The following USP2 variants were observed in gnomAD, a reference collection of about 807,000 sequenced individuals.
The protein encoded by USP2 is ubiquitin carboxyl-terminal hydrolase 2.
In USP2, 33 loss-of-function variants were observed where a neutral mutation model predicts 72.0. That is an observed-to-expected ratio of 0.46 (90% confidence interval 0.35 to 0.61). The LOEUF is 0.61. USP2 is among the 20% of genes least tolerant of loss of function. The pLI, the probability that USP2 is intolerant of heterozygous loss-of-function variation, is 0.01. For missense variants in USP2, 691 were observed against 797.8 expected (o/e 0.87, Z 1.61); for synonymous variants, 296 against 312.5 (o/e 0.95, Z 0.56).
At position 119,356,673 on chromosome 11, in the gene USP2, C is replaced by T; in HGVS notation, c.*162G>A. ...GCTCAGGAAAGCCCGGCTCCTTGCTCCAGACCCTGATCAGGCTGCATCCAC... is the reference window on the plus strand; with the variant it reads ...GCTCAGGAAAGCCCGGCTCCTTGCTTCAGACCCTGATCAGGCTGCATCCAC... On this transcript the variant is annotated 3_prime_UTR_variant, in exon 13 of 13. Coordinates refer to ENST00000260187, the MANE Select transcript of USP2 (RefSeq NM_004205.5). 4.2e-6 allele frequency: 3 copies of T among 720,356 alleles called. No individual in the cohort carries two copies. In the South Asian group the frequency reaches 5.8e-5, roughly 14 times the overall value. 44.6% of individuals were successfully genotyped at this position (720,356 alleles called of 1,614,324 possible).
At position 119,373,452 on chromosome 11, in the gene USP2, C is replaced by A. The variant is rs551604989; in HGVS notation, c.29G>T (p.Arg10Leu). 1 of 1,594,710 alleles carries A rather than the reference C, an allele frequency of 6.3e-7. No individual in the cohort carries two copies. The highest frequency in any genetic ancestry group is 8.5e-7 in the Non-Finnish European group (1 of 1,176,684). The change falls in exon 2 of 13, where the codon CGC (arginine) becomes CTC (leucine). Residue 10 changes from arginine to leucine, a missense_variant. By Grantham distance (102) the Arg-to-Leu change is moderately radical (BLOSUM62 -2). Transcript: ENST00000260187. MSQLSSTLK[R>L]YTESARYTDA... ...TGTGTAGCGGGCCGATTCTGTGTAGCGCTTCAGGGTGGAGGAGAGCTGGGA... is the reference window on the plus strand; with the variant it reads ...TGTGTAGCGGGCCGATTCTGTGTAGAGCTTCAGGGTGGAGGAGAGCTGGGA...
In USP2 at chr11:119,376,471, T is replaced by TTTCACTGTTTA. The variant is rs1951003179; in HGVS notation, c.-41-2961_-41-2951dup. 3.2e-6 allele frequency: 3 copies of TTTCACTGTTTA among 938,174 alleles called. No individual in the cohort carries two copies. In the South Asian group the frequency reaches 1.5e-4, roughly 46 times the overall value. 58.1% of individuals were successfully genotyped at this position (938,174 alleles called of 1,614,324 possible). A position where few individuals can be genotyped will look rare whatever the true frequency, so the allele number is the denominator to read the frequency against. ...CGGGGGGCCCCTGCTGCCCAGCTCC[T>TTTCACTGTTTA]TTCACTGTTTACCCAGAGCTGGCAA... On this transcript the variant is annotated intron_variant, in intron 1 of 12. Coordinates refer to ENST00000260187, the MANE Select transcript of USP2 (RefSeq NM_004205.5).
At chr11:119,361,489 G>A (rs749265609) in intron 2 of USP2, among the ~76,000 whole-genome samples, 4 of 152,056 alleles carry the variant, frequency 2.6e-5, no homozygotes, top group African/African-American at 4.8e-5. Context: ...TGGGGCATGC[G>A]TGGGGCCAGC....
chr11:119,372,596 AG>A, intron 2 of USP2, 110 bp downstream of exon 2: 1 of 1,134,184 alleles, frequency 8.8e-7, no homozygotes. Context: ...TGTCTCCACC[AG>A]GAGCAGCCTG....
intron 2 of USP2, among the ~76,000 whole-genome samples, chr11:119,371,141 C>A (rs530244701): frequency 2.6e-5 from 4 of 152,230 alleles, no homozygotes; most frequent in Admixed American, 2.6e-4. Context: ...TTGGATGAAT[C>A]GTTAAGCCCT....
rs748746628 is a variant in USP2, at chr11:119,373,121, G to T, written c.360C>A (p.Asn120Lys). ...CATTGATGGGCAGGTAGCTGAGGCA[G>T]TTGTTGGTCACTCCATAAGGGAATC... Reference protein sequence around the residue: ...GSGFPYGVTNNCLSYLPINAY... With the variant: ...GSGFPYGVTNKCLSYLPINAY... The change falls in exon 2 of 13, where the codon AAC (asparagine) becomes AAA (lysine). Residue 120 changes from asparagine (N) to lysine (K), a missense_variant. Transcript: ENST00000260187. 6.2e-7 allele frequency: 1 copy of T among 1,614,034 alleles called. No homozygotes were observed. The highest frequency in any genetic ancestry group is 1.3e-5 in the African/African-American group (1 of 74,924).
intron 2 of USP2, among the ~76,000 whole-genome samples, chr11:119,371,995 C>T (rs1002894165): frequency 5.9e-5 from 9 of 152,010 alleles, no homozygotes; most frequent in Admixed American, 2.0e-4. Flanking sequence ...CCAAGAGAGG[C>T]GTGTGCGGGC....
intron 1 of USP2, 139 bp from the exon 2 acceptor site, chr11:119,373,660 C>G: frequency 1.2e-6 from 1 of 806,274 alleles, no homozygotes; most frequent in Admixed American, 3.0e-5. Flanking sequence ...TGCTGAGAAG[C>G]ACACATGCAC....
At chr11:119,372,562 T>G in intron 2 of USP2, 145 bp downstream of exon 2, 2 of 854,494 alleles carry the variant, frequency 2.3e-6, no homozygotes, top group South Asian at 2.2e-5. Context: ...GGGCACCAGA[T>G]GTGCCAGGAT....
At chr11:119,360,034 A>G in intron 3 of USP2, 150 bp downstream of exon 3, 1 of 1,024,440 alleles carries the variant, frequency 9.8e-7, no homozygotes, top group East Asian at 2.6e-5. Flanking sequence ...CAGCCCAGCA[A>G]TTCTGTGAAA....
Position 119,359,060 on chromosome 11 carries a change from C to G in USP2, c.1136G>C (p.Arg379Thr). ...LHNEVNRVTL[R>T]PKSNPENLDH... The stretch of plus-strand genomic sequence containing the variant: ...GAGGTTCTCAGGGTTGGACTTAGGT[C>G]TCAGTGTCACTCGGTTCACCTCGTT... The change falls in exon 6 of 13, where the codon AGA (arginine) becomes ACA (threonine). Residue 379 changes from arginine (R) to threonine (T), a missense_variant. Coordinates refer to ENST00000260187, the MANE Select transcript of USP2 (RefSeq NM_004205.5). The G allele has an allele frequency of 6.2e-7, 1 of 1,614,120 alleles. No homozygotes were observed. Among genetic ancestry groups the G allele is most frequent in the Non-Finnish European group, 8.5e-7 (1 of 1,180,042 alleles).
rs7117852 is a variant in USP2, at chr11:119,356,534, C to T, written c.*301G>A. The T allele has an allele frequency of 0.018, 5,724 of 317,328 alleles. 229 individuals carry two copies. The highest frequency in any genetic ancestry group is 0.087 in the African/African-American group (4,001 of 45,970). The allele number at this position is 317,328 out of a possible 1,614,324, so 19.7% of individuals were successfully genotyped here. A position where few individuals can be genotyped will look rare whatever the true frequency, so the allele number is the denominator to read the frequency against. ...AGCGGCGCAGCGAGGGTCTTCCCCC[C>T]CAAGACACAGTTGTTTCTGACACAT... On this transcript the variant is annotated 3_prime_UTR_variant, in exon 13 of 13. Coordinates refer to ENST00000260187, the MANE Select transcript of USP2 (RefSeq NM_004205.5).
chr11:119,360,315 C>T, intron 2 of USP2, 81 bp from the exon 3 acceptor site: 1 of 1,423,552 alleles, frequency 7.0e-7, no homozygotes, highest in Non-Finnish European at 9.8e-7. Context: ...AATTTCTAAC[C>T]AGCTGGAGCC....
At chr11:119,371,547 T>C (rs1362256741) in intron 2 of USP2, among the ~76,000 whole-genome samples, 7 of 152,148 alleles carry the variant, frequency 4.6e-5, no homozygotes, top group Non-Finnish European at 1.5e-5. Flanking sequence ...ACTCCCTAAG[T>C]CATATTATCA....
chr11:119,358,618 C>G (rs1950712181), intron 7 of USP2, 155 bp downstream of exon 7: 4 of 952,026 alleles, frequency 4.2e-6, no homozygotes, highest in Non-Finnish European at 4.9e-6. Context: ...GCCCGGCCTG[C>G]ACAGCATCTT....
intron 2 of USP2, among the ~76,000 whole-genome samples, chr11:119,367,064 C>T (rs182825989): frequency 6.6e-4 from 101 of 152,326 alleles, no homozygotes; most frequent in East Asian, 1.9e-4. Context: ...GCTCATCTCT[C>T]GGCCAGCCAG....
In USP2 at chr11:119,357,916, G is replaced by A. The variant is rs180796245; in HGVS notation, c.1422+65C>T. 9.9e-5 allele frequency: 159 copies of A among 1,612,946 alleles called. 1 individual carries two copies. In the East Asian group the frequency reaches 3.1e-3, roughly 31 times the overall value. On this transcript the variant is annotated intron_variant, in intron 9 of 12. Coordinates refer to ENST00000260187, the MANE Select transcript of USP2 (RefSeq NM_004205.5). ...AGTCACTCCTCAACTGGATCTGCTGGTATCAGCCTCTTCCCAGTAGGTCCC... is the reference window on the plus strand; with the variant it reads ...AGTCACTCCTCAACTGGATCTGCTGATATCAGCCTCTTCCCAGTAGGTCCC...
rs753849121 is a variant in USP2 at position 119,356,963 on chromosome 11, C to T, written c.1731-41G>A. On this transcript the variant is annotated intron_variant, in intron 12 of 12. Coordinates refer to ENST00000260187, the MANE Select transcript of USP2 (RefSeq NM_004205.5). ...GGAGTCAGCCCGGAGCGGGCAGGAC[C>T]GGGAGACCCCCCGCCGGCTTCTTTC... is the stretch of plus-strand genomic sequence containing the variant. 37 of 1,544,912 alleles carry T rather than the reference C, an allele frequency of 2.4e-5. No homozygotes were observed. In the South Asian group the frequency reaches 4.3e-4, roughly 18 times the overall value.
Position 119,372,894 on chromosome 11 carries a change from A to C in USP2, c.587T>G (p.Val196Gly), listed in dbSNP as rs748148208. ...YQTASCPEYL[V>G]DYLENYGRKG... The stretch of plus-strand genomic sequence containing the variant: ...GCGACCATAGTTCTCCAGGTAGTCG[A>C]CCAGGTATTCAGGGCAGCTGGCTGT... The change falls in exon 2 of 13, where the codon GTC becomes GGC. Residue 196 changes from valine (V) to glycine (G), a missense_variant. Val to Gly is a moderately radical substitution (Grantham distance 109, BLOSUM62 -3). Coordinates refer to ENST00000260187, the MANE Select transcript of USP2 (RefSeq NM_004205.5). The C allele has an allele frequency of 6.2e-7, 1 of 1,610,676 alleles. No homozygotes were observed. The highest frequency in any genetic ancestry group is 8.5e-7 in the Non-Finnish European group (1 of 1,178,748).
Sources: allele counts gnomAD v4.1 joint callset (sites outside exome capture counted in the v4.1 genomes callset), GRCh38; gene constraint gnomAD v4.1.1; transcripts MANE v1.5; gene names NCBI Gene and HGNC (gene_info 2026-07-23, HGNC 2026-07-21).